The following MYBPHL variants were observed in gnomAD, a reference collection of about 807,000 sequenced individuals.
MYBPHL encodes the protein myosin-binding protein H-like.
A neutral mutation model predicts 39.5 loss-of-function variants in MYBPHL; 32 were observed. That is an observed-to-expected ratio of 0.81 (90% CI 0.61 to 1.09). The LOEUF is 1.09. Ranked by LOEUF, MYBPHL falls within the 50% of genes least tolerant of loss-of-function variation. MYBPHL has a pLI of 0.00. For synonymous variants in MYBPHL, 196 were observed against 183.7 expected, an observed-to-expected ratio of 1.07 and a Z score of -0.54; for missense variants, 456 against 460.2, an observed-to-expected ratio of 0.99 and a Z score of 0.08.
At chr1:109,296,156 C>T (rs941961805) in intron 6 of MYBPHL, 78 bp downstream of exon 6, 14 of 1,551,734 alleles carry the variant, frequency 9.0e-6, no homozygotes, top group Non-Finnish European at 1.1e-5. Flanking sequence ...TGTTACAGTG[C>T]TCTGCAACTC....
At chr1:109,302,453 A>T (rs1017910374) in intron 1 of MYBPHL, among the ~76,000 whole-genome samples, 1 of 152,080 alleles carries the variant, frequency 6.6e-6, no homozygotes, top group Non-Finnish European at 1.5e-5. Flanking sequence ...GGACATAGGA[A>T]CAGGCAACAC....
At position 109,295,330 on chromosome 1, in the gene MYBPHL, G is replaced by A. The variant is rs776711811; in HGVS notation, c.868-33C>T. On this transcript the variant is annotated intron_variant, in intron 6 of 8. Transcript: ENST00000357155. ...ACAAAGATGAGGGAGGCAGCAAGGAGGGGCGAGGGTAAGAACCAATAGTCT... is the reference window on the plus strand; with the variant it reads ...ACAAAGATGAGGGAGGCAGCAAGGAAGGGCGAGGGTAAGAACCAATAGTCT... 40 of 1,597,440 alleles carry A rather than the reference G, an allele frequency of 2.5e-5. No individual in the cohort carries two copies. In the African/African-American group the frequency reaches 4.2e-4, roughly 17 times the overall value.
rs556381036 is a variant in MYBPHL at position 109,294,542 on chromosome 1, A to G, written c.1055-293T>C. 2.0e-5 allele frequency among the ~76,000 whole-genome samples: 3 copies of G among 152,344 alleles called. No homozygotes were observed. The East Asian group carries it at 5.8e-4, about 29-fold the overall frequency. ...AAAATGCTTATAATTTAATAGGGAA[A>G]CATATCTATAAATAGATAATTATAA... On this transcript the variant is annotated intron_variant, in intron 7 of 8. Coordinates refer to ENST00000357155, the MANE Select transcript of MYBPHL (RefSeq NM_001010985.3).
chr1:109,293,492 C>T (rs2101463412), intron 8 of MYBPHL, among the ~76,000 whole-genome samples: 1 of 152,258 alleles, frequency 6.6e-6, no homozygotes, highest in South Asian at 2.1e-4. Context: ...GCCTGTAATC[C>T]CAGCACTTTG....
At chr1:109,295,440 T>C in intron 6 of MYBPHL, 143 bp from the exon 7 acceptor site, 1 of 672,940 alleles carries the variant, frequency 1.5e-6, no homozygotes, top group Non-Finnish European at 2.3e-6. Context: ...GTGGGAAGGG[T>C]TTCCCCTTCC....
At chr1:109,296,653 G>C in intron 5 of MYBPHL, 130 bp downstream of exon 5, 1 of 1,089,154 alleles carries the variant, frequency 9.2e-7, no homozygotes, top group Non-Finnish European at 1.4e-6. Flanking sequence ...TGTCCAGGCT[G>C]GTCTTGAACT....
At position 109,296,824 on chromosome 1, in the gene MYBPHL, G is replaced by A. The variant is rs1044991568; in HGVS notation, c.689C>T (p.Thr230Ile). ...FAENQCGLSETAPITTDLAHI... is the reference protein window; with the variant it reads ...FAENQCGLSEIAPITTDLAHI... ...GGCGAGGTCCGTAGTGATGGGGGCT[G>A]TTTCACTGAGTCCGCACTGGTTTTC... The change falls in exon 5 of 9, where the codon ACA becomes ATA. Residue 230 changes from threonine (T) to isoleucine (I), a missense_variant. Physicochemically the swap from Thr to Ile is moderately conservative, Grantham distance 89. Coordinates refer to ENST00000357155, the MANE Select transcript of MYBPHL (RefSeq NM_001010985.3). 4 of 1,614,188 alleles carry A rather than the reference G, an allele frequency of 2.5e-6. No individual in the cohort carries two copies. The highest frequency in any genetic ancestry group is 3.4e-6 in the Non-Finnish European group (4 of 1,180,030).
intron 1 of MYBPHL, among the ~76,000 whole-genome samples, chr1:109,304,929 C>T (rs1658411679): frequency 6.6e-6 from 1 of 152,224 alleles, no homozygotes. Flanking sequence ...CATGTTTTCA[C>T]ATGCTTCCTG....
At chr1:109,294,099 T>C (rs1185704269) in intron 8 of MYBPHL, 107 bp downstream of exon 8, 6 of 754,272 alleles carry the variant, frequency 8.0e-6, no homozygotes, top group Non-Finnish European at 1.4e-5. Flanking sequence ...TGGCCACCAG[T>C]GGATACATGA....
rs951601275 is a variant in MYBPHL, at chr1:109,297,548, G to T, written c.304C>A (p.Arg102=). The T allele has an allele frequency of 1.2e-6, 2 of 1,613,906 alleles. No individual in the cohort carries two copies. Among genetic ancestry groups the T allele is most frequent in the Admixed American group, 1.7e-5 (1 of 60,018 alleles). The change falls in exon 3 of 9, where the codon CGG becomes AGG. Residue 102 remains arginine (R), a synonymous_variant. Coordinates refer to ENST00000357155, the MANE Select transcript of MYBPHL (RefSeq NM_001010985.3). Reference sequence around the variant, plus strand: ...AGGATGGAGTCTTGCTCCCCATTCCGCACACTCACACGCCTGGTGTCCAAG... The same window carrying T: ...AGGATGGAGTCTTGCTCCCCATTCCTCACACTCACACGCCTGGTGTCCAAG... ...CALDTRRVSV[R]NGEQDSILFI...
chr1:109,294,321 G>A (rs1657977443), intron 7 of MYBPHL, 72 bp from the exon 8 acceptor site: 2 of 1,432,996 alleles, frequency 1.4e-6, no homozygotes, highest in African/African-American at 2.8e-5. Context: ...CAGAGCATTA[G>A]AAAGGAATAT....
At chr1:109,298,557 T>C (rs1658171068) in intron 1 of MYBPHL, among the ~76,000 whole-genome samples, 1 of 152,186 alleles carries the variant, frequency 6.6e-6, no homozygotes, top group Non-Finnish European at 1.5e-5. Context: ...CATTCCATCC[T>C]GATGGAGGCA....
intron 1 of MYBPHL, 117 bp downstream of exon 1, chr1:109,306,730 A>T: frequency 1.2e-6 from 1 of 841,992 alleles, no homozygotes; most frequent in Non-Finnish European, 1.7e-6. Flanking sequence ...CCTAATCACC[A>T]ATCCTATAGA....
In MYBPHL at chr1:109,294,237, C is replaced by T; in HGVS notation, c.*2G>A. Reference sequence around the variant, plus strand: ...CAGAGTACCATGCCTTCTTAGGTGTCCTCAATTAGGAACTGTAATAATTCG... The same window carrying T: ...CAGAGTACCATGCCTTCTTAGGTGTTCTCAATTAGGAACTGTAATAATTCG... On this transcript the variant is annotated 3_prime_UTR_variant, in exon 8 of 9. Coordinates refer to ENST00000357155, the MANE Select transcript of MYBPHL (RefSeq NM_001010985.3). 6.2e-7 allele frequency: 1 copy of T among 1,609,084 alleles called. No homozygotes were observed. The highest frequency in any genetic ancestry group is 2.2e-5 in the East Asian group (1 of 44,864).
intron 1 of MYBPHL, among the ~76,000 whole-genome samples, chr1:109,299,337 G>C (rs140899266): frequency 6.6e-6 from 1 of 152,238 alleles, no homozygotes; most frequent in African/African-American, 2.4e-5. Flanking sequence ...ATGACTGCTC[G>C]ATAGTGGATT....
rs772903572 is a variant in MYBPHL at position 109,296,387 on chromosome 1, G to A, written c.731-17C>T. ...AAACAGTAGCTGAGGGCACCAAGAG[G>A]GGCTGGCATGTAGCTTCTGAGATCC... On this transcript the variant is annotated splice_polypyrimidine_tract_variant and intron_variant, in intron 5 of 8. Transcript: ENST00000357155. 1.7e-5 allele frequency: 27 copies of A among 1,613,774 alleles called. No individual in the cohort carries two copies. The highest frequency in any genetic ancestry group is 2.1e-5 in the Non-Finnish European group (25 of 1,179,956).
Position 109,297,599 on chromosome 1 carries a change from C to T in MYBPHL, c.253G>A (p.Ala85Thr). Residue 85 changes from alanine (A) to threonine (T), a missense_variant, in exon 3 of 9, where the codon GCC becomes ACC. Transcript: ENST00000357155. Reference protein sequence around the residue: ...IPFQGKPKPQAIWTHDGCALD... With the variant: ...IPFQGKPKPQTIWTHDGCALD... ...GCACAGCCATCATGTGTCCAGATGG[C>T]TTGAGGTTTGGGCTTGCCCTGAGGA... 6.2e-7 allele frequency: 1 copy of T among 1,613,410 alleles called. No individual in the cohort carries two copies. The highest frequency in any genetic ancestry group is 8.5e-7 in the Non-Finnish European group (1 of 1,179,862).
intron 1 of MYBPHL, 130 bp downstream of exon 1, chr1:109,306,717 C>T (rs1658480898): frequency 4.0e-6 from 3 of 743,372 alleles, no homozygotes; most frequent in African/African-American, 3.7e-5. Flanking sequence ...GAATGATCTC[C>T]AGCCTAATCA....
At chr1:109,292,945 C>T (rs57055422) in intron 8 of MYBPHL, 3 of 152,230 alleles carry the variant, frequency 2.0e-5, no homozygotes, top group East Asian at 3.9e-4. Flanking sequence ...AAGAGCTGTC[C>T]GGTTCTAAAT....
Sources: gnomAD v4.1 joint callset for allele counts (sites outside exome capture counted in the v4.1 genomes callset) on GRCh38, gnomAD v4.1.1 for gene constraint, MANE v1.5 for transcripts, NCBI Gene and HGNC (gene_info 2026-07-23, HGNC 2026-07-21) for gene names.